Variants in NEK11 observed in about 807,000 individuals in gnomAD.
NEK11 encodes NIMA related kinase 11.
In NEK11, 72 loss-of-function variants were observed where a neutral mutation model predicts 80.7. The ratio of observed to expected loss-of-function variants is 0.89; its 90% CI spans 0.74 to 1.08. The LOEUF (loss-of-function observed/expected upper bound fraction) is 1.08, where lower values mean the gene tolerates loss of function less well. NEK11 is among the 50% of genes least tolerant of loss of function. The probability of loss-of-function intolerance (pLI) is 0.00; values close to 1 mark genes in which losing one functional copy is unlikely to be tolerated. For synonymous variants in NEK11, 251 were observed against 260.7 expected (o/e 0.96, Z 0.36); for missense variants, 764 against 763.6 (o/e 1.00, Z -0.01).
At chr3:131,263,888 T>G (rs1489655841) in intron 16 of NEK11, among the ~76,000 whole-genome samples, 1 of 152,218 alleles carries the variant, frequency 6.6e-6, no homozygotes, top group African/African-American at 2.4e-5. Context: ...TTTCCTGACT[T>G]TTTAATGATC....
At chr3:131,246,511 C>T (rs912078842) in intron 16 of NEK11, among the ~76,000 whole-genome samples, 3 of 152,146 alleles carry the variant, frequency 2.0e-5, no homozygotes, top group African/African-American at 4.8e-5. Flanking sequence ...TTTATCCACT[C>T]ATTGATCGAT....
In NEK11 at chr3:131,259,197, T is replaced by C. The variant is rs538719405; in HGVS notation, c.1622-14281T>C. Among the ~76,000 whole-genome samples, 15 of 152,284 alleles carry C rather than the reference T, an allele frequency of 9.9e-5. No homozygotes were observed. The East Asian group carries it at 2.3e-3, about 24-fold the overall frequency. ...TCCTACTGGAAAGCATTTGAGGTTG[T>C]TCTCTCCTAGACCATCTTCTTCCTT... On this transcript the variant is annotated intron_variant, in intron 16 of 17. Transcript: ENST00000383366.
intron 14 of NEK11, among the ~76,000 whole-genome samples, chr3:131,224,169 A>T (rs781177355): frequency 4.6e-5 from 7 of 152,142 alleles, no homozygotes; most frequent in South Asian, 4.2e-4. Flanking sequence ...TAAAAGTGTA[A>T]TGCATATATT....
intron 3 of NEK11, among the ~76,000 whole-genome samples, chr3:131,065,853 C>T (rs1454633948): frequency 6.6e-6 from 1 of 152,134 alleles, no homozygotes; most frequent in Non-Finnish European, 1.5e-5. Flanking sequence ...CTTCTACAAA[C>T]TTGGTAAATG....
chr3:131,348,926 CTA>C (rs2097408595), intron 17 of NEK11, among the ~76,000 whole-genome samples: 1 of 151,686 alleles, frequency 6.6e-6, no homozygotes, highest in South Asian at 2.1e-4. Flanking sequence ...GCAAACAAAA[CTA>C]TTCTCCCCCT....
At chr3:131,122,915 G>T (rs2082642587) in intron 5 of NEK11, among the ~76,000 whole-genome samples, 1 of 152,156 alleles carries the variant, frequency 6.6e-6, no homozygotes, top group East Asian at 1.9e-4. Flanking sequence ...CAGATCACTT[G>T]GGTGTCATGA....
intron 17 of NEK11, among the ~76,000 whole-genome samples, chr3:131,337,793 A>AC (rs1030731199): frequency 6.0e-4 from 91 of 151,806 alleles, no homozygotes; most frequent in African/African-American, 2.2e-3. Context: ...ATCAATCTGA[A>AC]CCCCCCCTCC....
chr3:131,105,679 C>A (rs1315710750), intron 4 of NEK11, among the ~76,000 whole-genome samples: 1 of 152,158 alleles, frequency 6.6e-6, no homozygotes, highest in African/African-American at 2.4e-5. Flanking sequence ...GACTCACTCA[C>A]TGTCATGAGA....
At chr3:131,242,210 T>C (rs1020765869) in intron 15 of NEK11, among the ~76,000 whole-genome samples, 6 of 152,168 alleles carry the variant, frequency 3.9e-5, no homozygotes, top group African/African-American at 7.2e-5. Context: ...TTTTTCAGAA[T>C]TGAATCTTAC....
chr3:131,077,106 G>A (rs2074480844), intron 3 of NEK11, among the ~76,000 whole-genome samples: 1 of 152,192 alleles, frequency 6.6e-6, no homozygotes, highest in Non-Finnish European at 1.5e-5. Context: ...GTTCACTGAT[G>A]CTAGAAAGAA....
intron 3 of NEK11, among the ~76,000 whole-genome samples, chr3:131,034,520 C>G (rs2065339857): frequency 6.6e-6 from 1 of 152,172 alleles, no homozygotes; most frequent in African/African-American, 2.4e-5. Context: ...CTGCCTCAGC[C>G]TCCCGAGTAG....
chr3:131,298,550 A>T (rs1359054655), intron 17 of NEK11, among the ~76,000 whole-genome samples: 1 of 152,202 alleles, frequency 6.6e-6, no homozygotes, highest in Non-Finnish European at 1.5e-5. Flanking sequence ...AAGCATTCTT[A>T]TACTTGCATG....
intron 16 of NEK11, 146 bp downstream of exon 16, chr3:131,243,642 C>A: frequency 1.5e-6 from 1 of 651,116 alleles, no homozygotes; most frequent in South Asian, 2.2e-5. Context: ...GAATGTCTGA[C>A]CCAAAAGCCA....
At chr3:131,073,612 T>G (rs1013237809) in intron 3 of NEK11, among the ~76,000 whole-genome samples, 2 of 152,356 alleles carry the variant, frequency 1.3e-5, no homozygotes, top group African/African-American at 4.8e-5. Context: ...TGTAATTGGT[T>G]TGCAGTTTCA....
At chr3:131,168,766 C>T (rs2092464323) in intron 12 of NEK11, 64 bp from the exon 13 acceptor site, 1 of 1,193,230 alleles carries the variant, frequency 8.4e-7, no homozygotes, top group Non-Finnish European at 1.2e-6. Flanking sequence ...AGCAGCACTT[C>T]ACCTCTAGAT....
intron 3 of NEK11, among the ~76,000 whole-genome samples, chr3:131,049,963 CA>C (rs5852614): frequency 0.028 from 3,626 of 131,802 alleles, 97 homozygotes; most frequent in African/African-American, 0.079. Context: ...TGTTTCAGTC[CA>C]AAAAAAAAAA....
intron 4 of NEK11, among the ~76,000 whole-genome samples, chr3:131,097,719 T>C (rs1271635430): frequency 0.011 from 1,720 of 149,996 alleles, 41 homozygotes; most frequent in African/African-American, 0.039. Flanking sequence ...ATCGTGAAAA[T>C]GGCCATACTG....
chr3:131,330,098 T>G (rs1252664944), intron 17 of NEK11: 1 of 152,170 alleles, frequency 6.6e-6, no homozygotes, highest in African/African-American at 2.4e-5. Flanking sequence ...GGATCCTAGT[T>G]ACATTTTAAA....
At chr3:131,260,882 C>T (rs1031110437) in intron 16 of NEK11, among the ~76,000 whole-genome samples, 2 of 152,136 alleles carry the variant, frequency 1.3e-5, no homozygotes, top group Non-Finnish European at 2.9e-5. Flanking sequence ...TGTGAGGATT[C>T]CTGAGTAAGC....
Sources: gnomAD v4.1 joint callset for allele counts (sites outside exome capture counted in the v4.1 genomes callset) on GRCh38, gnomAD v4.1.1 for gene constraint, MANE v1.5 for transcripts, NCBI Gene and HGNC (gene_info 2026-07-23, HGNC 2026-07-21) for gene names.